Variants in NBPF26 observed in about 807,000 individuals in gnomAD.
NBPF26 encodes the protein NBPF family member NBPF26.
NBPF26 carries 79 observed loss-of-function variants against 119.6 expected under a neutral mutation model. The observed-to-expected ratio is 0.66, with a 90% CI of 0.55 to 0.80. The LOEUF is 0.80. Ranked by LOEUF, NBPF26 falls within the 30% of genes least tolerant of loss-of-function variation. NBPF26 has a pLI of 0.00. For missense variants in NBPF26, 800 were observed against 1,198.2 expected (o/e 0.67, Z 4.91); for synonymous variants, 299 against 457.7 (o/e 0.65, Z 4.43).
chr1:120,806,260 C>T (rs2101491435), intron 5 of NBPF26, among the ~76,000 whole-genome samples: 1 of 121,986 alleles, frequency 8.2e-6, no homozygotes, highest in South Asian at 2.5e-4. Flanking sequence ...GGAGTCTGCT[C>T]CTAATAGAAC....
intron 2 of NBPF26, among the ~76,000 whole-genome samples, chr1:120,779,546 C>T (rs1385318644): frequency 8.3e-6 from 1 of 120,512 alleles, no homozygotes; most frequent in East Asian, 2.0e-4. Flanking sequence ...AAACTCCCTA[C>T]AGGAGGGAAA....
chr1:120,752,519 A>AATATAT (rs1204399606), intron 1 of NBPF26, among the ~76,000 whole-genome samples: 149 of 14,638 alleles, frequency 0.01, no homozygotes, highest in African/African-American at 0.026. Context: ...GAAGTTCAGG[A>AATATAT]ATATATATAT....
Position 120,745,221 on chromosome 1 carries a change from A to C in NBPF26, c.74-18407A>C, listed in dbSNP as rs1294056454. 1.5e-4 allele frequency among the ~76,000 whole-genome samples: 17 copies of C among 111,200 alleles called. 2 individuals are homozygous for C. Among genetic ancestry groups the C allele is most frequent in the African/African-American group, 2.1e-4 (4 of 18,636 alleles). 73.0% of individuals were successfully genotyped at this position (111,200 alleles called of 152,430 possible). On this transcript the variant is annotated intron_variant, in intron 1 of 29. Transcript: ENST00000620612. ...GCACGCTTTAGTCCATGGTTTTTTA[A>C]ACTGCAGATCATGACCACGAATGGG...
rs1484841512 is a variant in NBPF26 at position 120,808,028 on chromosome 1, C to A, written c.1064+319C>A. Among the ~76,000 whole-genome samples, 2 of 121,444 alleles carry A rather than the reference C, an allele frequency of 1.6e-5. 1 individual carries two copies. The highest frequency in any genetic ancestry group is 3.3e-5 in the Non-Finnish European group (2 of 60,148). The allele number at this position is 121,444 out of a possible 152,430, so 79.7% of individuals were successfully genotyped here. A position where few individuals can be genotyped will look rare whatever the true frequency, so the allele number is the denominator to read the frequency against. On this transcript the variant is annotated intron_variant, in intron 6 of 29. Coordinates refer to ENST00000620612, the Ensembl canonical transcript of NBPF26. Reference sequence around the variant, plus strand: ...TATAATCAAAATGGTGTGCCATCACCACCCCACTTACCCTTAGTGAGAATC... The same window carrying A: ...TATAATCAAAATGGTGTGCCATCACAACCCCACTTACCCTTAGTGAGAATC...
rs1651857042 is a variant in NBPF26 at position 120,811,231 on chromosome 1, G to C, written c.1565-655G>C. 8.6e-5 allele frequency among the ~76,000 whole-genome samples: 9 copies of C among 104,478 alleles called. 2 individuals carry two copies. Among genetic ancestry groups the C allele is most frequent in the Admixed American group, 8.2e-4 (9 of 10,922 alleles). The allele number at this position is 104,478 out of a possible 152,430, so 68.5% of individuals were successfully genotyped here. On this transcript the variant is annotated intron_variant, in intron 9 of 29. Coordinates refer to ENST00000620612, the Ensembl canonical transcript of NBPF26. The stretch of plus-strand genomic sequence containing the variant: ...CCACTGCACTCCAGCCTGGGAGACA[G>C]AGCGAGACTCCATCTCAAAAAAAAA...
At chr1:120,754,510 C>T (rs1220402215) in intron 1 of NBPF26, among the ~76,000 whole-genome samples, 1 of 92,308 alleles carries the variant, frequency 1.1e-5, no homozygotes, top group Non-Finnish European at 1.9e-5. Context: ...TCATGTTGGT[C>T]AGTGTCATTT....
chr1:120,811,081 A>C (rs1195071887), intron 9 of NBPF26, among the ~76,000 whole-genome samples: 2 of 97,714 alleles, frequency 2.0e-5, no homozygotes, highest in Non-Finnish European at 3.8e-5. Flanking sequence ...TTTACTAAAA[A>C]TACAAAAAAA....
At chr1:120,785,109 A>G in exon 3 of NBPF26, 1 of 1,446,376 alleles carries the variant, frequency 6.9e-7, no homozygotes, top group Non-Finnish European at 9.2e-7. Flanking sequence ...CAGGGTTTAC[A>G]GGAGAGGACT....
rs1424866254 is a variant in NBPF26 at position 120,767,810 on chromosome 1, C to T, written c.155+4101C>T. On this transcript the variant is annotated intron_variant, in intron 2 of 29. Coordinates refer to ENST00000620612, the Ensembl canonical transcript of NBPF26. ...AAAGATCATGGACAACTCAAGTTCA[C>T]TAGGATTCTGGGGGTAGGTTAGGTT... is the stretch of plus-strand genomic sequence containing the variant. Among the ~76,000 whole-genome samples, 4 of 111,460 alleles carry T rather than the reference C, an allele frequency of 3.6e-5. 1 individual carries two copies. Among genetic ancestry groups the T allele is most frequent in the Non-Finnish European group, 6.8e-5 (4 of 58,922 alleles). The allele number at this position is 111,460 out of a possible 152,430, so 73.1% of individuals were successfully genotyped here. A position where few individuals can be genotyped will look rare whatever the true frequency, so the allele number is the denominator to read the frequency against.
chr1:120,742,306 TGTGTGC>T (rs1650947395), intron 1 of NBPF26, among the ~76,000 whole-genome samples: 2 of 30,810 alleles, frequency 6.5e-5, no homozygotes, highest in Admixed American at 6.1e-4. Context: ...ACTCTGTGTG[TGTGTGC>T]GTGTGTGTGT....
At chr1:120,812,943 A>G (rs1288111880) in intron 10 of NBPF26, among the ~76,000 whole-genome samples, 4 of 116,524 alleles carry the variant, frequency 3.4e-5, no homozygotes, top group African/African-American at 1.9e-4. Context: ...TAATAATAAT[A>G]ATAATAATAA....
chr1:120,817,321 C>G (rs1379014183), intron 14 of NBPF26, among the ~76,000 whole-genome samples: 1 of 103,586 alleles, frequency 9.7e-6, no homozygotes, highest in Non-Finnish European at 1.8e-5. Flanking sequence ...TTCTTCTTTA[C>G]TTTGCTGATA....
rs1571040035 is a variant in NBPF26, at chr1:120,814,722, G to T, written c.1878-107G>T. On this transcript the variant is annotated intron_variant, in intron 11 of 29. Transcript: ENST00000620612. ...TCCTTTAAACATGTGCTGACCTTCT[G>T]CTTCGAGGTCTCCTTGAGGACATTG... The T allele has an allele frequency of 1.6e-5, 10 of 644,872 alleles. No individual in the cohort carries two copies. The East Asian group carries it at 2.3e-4, about 15-fold the overall frequency. The allele number at this position is 644,872 out of a possible 1,614,324, so 39.9% of individuals were successfully genotyped here.
At chr1:120,791,390 A>T (rs1347704296) in intron 3 of NBPF26, among the ~76,000 whole-genome samples, 1 of 108,674 alleles carries the variant, frequency 9.2e-6, no homozygotes, top group Non-Finnish European at 1.7e-5. Flanking sequence ...AAGAGTTGGA[A>T]CCAGCCCAAA....
chr1:120,800,348 TATC>T (rs1651571241), intron 4 of NBPF26, among the ~76,000 whole-genome samples: 1 of 43,774 alleles, frequency 2.3e-5, no homozygotes, highest in Non-Finnish European at 3.6e-5. Context: ...AATAATATTT[TATC>T]ATATGGATTT....
intron 4 of NBPF26, among the ~76,000 whole-genome samples, chr1:120,804,376 C>G (rs1651625550): frequency 9.9e-6 from 1 of 101,134 alleles, no homozygotes; most frequent in African/African-American, 6.6e-5. Flanking sequence ...TAACCTTGAT[C>G]TTGCCATGTT....
intron 2 of NBPF26, among the ~76,000 whole-genome samples, chr1:120,764,178 C>A (rs1276986062): frequency 8.8e-6 from 1 of 113,840 alleles, no homozygotes; most frequent in Admixed American, 8.5e-5. Context: ...ACCCAGGAGG[C>A]GGAGGTTGCA....
rs1435454046 is a variant in NBPF26, at chr1:120,763,743, G to A, written c.155+34G>A. The A allele has an allele frequency of 1.5e-4, 127 of 862,292 alleles. 22 individuals carry two copies. Among genetic ancestry groups the A allele is most frequent in the Admixed American group, 4.7e-4 (23 of 48,878 alleles). 53.4% of individuals were successfully genotyped at this position (862,292 alleles called of 1,614,324 possible). On this transcript the variant is annotated intron_variant, in intron 2 of 29. Transcript: ENST00000620612. Reference sequence around the variant, plus strand: ...TTCTCTTCATATATTTTCTTTTTGCGATAGAACACTGGACAAGATTTGATT... The same window carrying A: ...TTCTCTTCATATATTTTCTTTTTGCAATAGAACACTGGACAAGATTTGATT...
chr1:120,836,950 CCT>C (rs1166040278), intron 25 of NBPF26, among the ~76,000 whole-genome samples: 1 of 462 alleles, frequency 2.2e-3, no homozygotes, highest in Non-Finnish European at 4.4e-3. Flanking sequence ...CTCACTTTCT[CCT>C]CTCTCTCTCT....
Sources: allele counts gnomAD v4.1 joint callset (sites outside exome capture counted in the v4.1 genomes callset), GRCh38; gene constraint gnomAD v4.1.1; transcripts MANE v1.5; gene names NCBI Gene and HGNC (gene_info 2026-07-23, HGNC 2026-07-21).